Variants in CDH18 observed in about 807,000 individuals in gnomAD.
CDH18 encodes the protein cadherin 18.
Under a neutral mutation model 67.9 loss-of-function variants are expected in CDH18, and 31 were observed. The observed-to-expected ratio is 0.46, with a 90% CI of 0.34 to 0.62. CDH18 has a LOEUF of 0.62. CDH18 is among the 20% of genes least tolerant of loss of function. The probability of loss-of-function intolerance (pLI) is 0.01; values close to 1 mark genes in which losing one functional copy is unlikely to be tolerated. For synonymous variants in CDH18, 362 were observed against 347.2 expected, an observed-to-expected ratio of 1.04 and a Z score of -0.48; for missense variants, 890 against 975.5, an observed-to-expected ratio of 0.91 and a Z score of 1.17.
chr5:19,502,478 C>A (rs762218160), intron 11 of CDH18, among the ~76,000 whole-genome samples: 4 of 152,018 alleles, frequency 2.6e-5, no homozygotes, highest in Non-Finnish European at 5.9e-5. Flanking sequence ...GAAAATGATT[C>A]AAAAATTTCC....
intron 9 of CDH18, among the ~76,000 whole-genome samples, chr5:19,532,737 G>T (rs1437761161): frequency 1.3e-5 from 2 of 152,194 alleles, no homozygotes; most frequent in African/African-American, 4.8e-5. Flanking sequence ...TCGAACTGCG[G>T]TGGAAGTGAG....
chr5:20,513,000 G>T lies in CDH18; in HGVS notation c.-580+62462C>A, dbSNP rs552533365. 4.6e-5 allele frequency among the ~76,000 whole-genome samples: 7 copies of T among 151,972 alleles called. No homozygotes were observed. The South Asian group carries it at 1.5e-3, about 32-fold the overall frequency. ...AGTGGTTTCTCCTTCAAAATTCACC[G>T]TAGCATGTGAGCCTCTCTGTTGGTT... is the stretch of plus-strand genomic sequence containing the variant. On this transcript the variant is annotated intron_variant, in intron 1 of 14. Coordinates refer to the CDH18 transcript ENST00000507958.
At chr5:19,629,568 T>C (rs1580589628) in intron 5 of CDH18, among the ~76,000 whole-genome samples, 2 of 152,312 alleles carry the variant, frequency 1.3e-5, no homozygotes, top group African/African-American at 2.4e-5. Flanking sequence ...GCAAGAGTTA[T>C]CTTTTTAAAG....
At chr5:19,809,397 G>A (rs1347832536) in intron 3 of CDH18, among the ~76,000 whole-genome samples, 2 of 152,160 alleles carry the variant, frequency 1.3e-5, no homozygotes, top group African/African-American at 4.8e-5. Context: ...GAATGGAGCT[G>A]TCTGAAGAAA....
chr5:20,472,394 G>A (rs539585250), intron 1 of CDH18, among the ~76,000 whole-genome samples: 1 of 152,170 alleles, frequency 6.6e-6, no homozygotes, highest in Admixed American at 6.5e-5. Flanking sequence ...GTTAATTATG[G>A]ACTTTGGGAC....
Position 19,629,664 on chromosome 5 carries a change from TTGTC to T in CDH18, c.644-17067_644-17064del, listed in dbSNP as rs1455754359. On this transcript the variant is annotated intron_variant, in intron 5 of 12. Coordinates refer to ENST00000382275, the MANE Select transcript of CDH18 (RefSeq NM_004934.5). ...GGATATTTCGACTGCATATATTACT[TTGTC>T]TGTTTATATAAATATGTCTATTGGT... Among the ~76,000 whole-genome samples the T allele has an allele frequency of 6.6e-4, 101 of 152,198 alleles. 1 individual carries two copies. Among genetic ancestry groups the T allele is most frequent in the South Asian group, 4.1e-4 (2 of 4,834 alleles).
intron 2 of CDH18, among the ~76,000 whole-genome samples, chr5:19,937,961 C>CTATATATA (rs369843082): frequency 0.027 from 3,846 of 144,384 alleles, 156 homozygotes; most frequent in African/African-American, 0.091. Flanking sequence ...AATATATTTG[C>CTATATATA]TATATATATA....
rs1194212508 is a variant in CDH18, at chr5:19,850,289, G to A, written c.-256-11047C>T. 2.6e-5 allele frequency among the ~76,000 whole-genome samples: 4 copies of A among 151,894 alleles called. No homozygotes were observed. In the South Asian group the frequency reaches 6.2e-4, roughly 24 times the overall value. On this transcript the variant is annotated intron_variant, in intron 2 of 12. Coordinates refer to ENST00000382275, the MANE Select transcript of CDH18 (RefSeq NM_004934.5). Reference sequence around the variant, plus strand: ...GCACTTTTTGTCCCATTCGTAAAATGTAAAGATAAAAATGAGGCACGAAAT... The same window carrying A: ...GCACTTTTTGTCCCATTCGTAAAATATAAAGATAAAAATGAGGCACGAAAT...
chr5:19,972,455 G>A (rs1579887888), intron 2 of CDH18, among the ~76,000 whole-genome samples: 1 of 151,836 alleles, frequency 6.6e-6, no homozygotes, highest in South Asian at 2.1e-4. Context: ...AAATGAAGGC[G>A]GTGCATTATC....
intron 2 of CDH18, among the ~76,000 whole-genome samples, chr5:20,211,663 G>T (rs1322451192): frequency 2.0e-5 from 3 of 152,148 alleles, no homozygotes; most frequent in Admixed American, 2.0e-4. Flanking sequence ...AACTCCAACA[G>T]ACCTGCAGCT....
intron 2 of CDH18, among the ~76,000 whole-genome samples, chr5:19,967,837 C>A (rs1797608095): frequency 6.6e-6 from 1 of 152,004 alleles, no homozygotes; most frequent in South Asian, 2.1e-4. Context: ...GAAGTTCTGG[C>A]CAGGGCAATT....
intron 2 of CDH18, among the ~76,000 whole-genome samples, chr5:19,970,301 T>C (rs773567204): frequency 6.6e-6 from 1 of 151,596 alleles, no homozygotes; most frequent in Non-Finnish European, 1.5e-5. Context: ...TCCCTAAAAA[T>C]TACTGATACT....
At chr5:20,018,714 T>A (rs1738113547) in intron 2 of CDH18, among the ~76,000 whole-genome samples, 1 of 152,164 alleles carries the variant, frequency 6.6e-6, no homozygotes, top group Admixed American at 6.5e-5. Flanking sequence ...TAAAAATGAA[T>A]AACTGGAACA....
intron 1 of CDH18, among the ~76,000 whole-genome samples, chr5:20,491,094 T>G (rs1753556929): frequency 6.6e-6 from 1 of 152,046 alleles, no homozygotes; most frequent in Admixed American, 6.6e-5. Flanking sequence ...CATTATATTT[T>G]TAGTTTTTAA....
At chr5:20,069,432 A>ATTTAT (rs1385380160) in intron 2 of CDH18, among the ~76,000 whole-genome samples, 4 of 79,666 alleles carry the variant, frequency 5.0e-5, no homozygotes, top group Admixed American at 1.2e-4. Flanking sequence ...TATTTATTTG[A>ATTTAT]GACGGAGTCT....
chr5:19,842,270 C>T (rs942253295), intron 2 of CDH18, among the ~76,000 whole-genome samples: 1 of 152,164 alleles, frequency 6.6e-6, no homozygotes, highest in South Asian at 2.1e-4. Flanking sequence ...TGTGTCCCCA[C>T]CTATCTCTCA....
chr5:20,325,568 C>T (rs781568685), intron 1 of CDH18, among the ~76,000 whole-genome samples: 1 of 152,048 alleles, frequency 6.6e-6, no homozygotes, highest in African/African-American at 2.4e-5. Context: ...TCTTAGGGAT[C>T]TTTTCACTAT....
chr5:19,955,691 T>C (rs571265090), intron 2 of CDH18, among the ~76,000 whole-genome samples: 6 of 152,066 alleles, frequency 3.9e-5, no homozygotes, highest in Non-Finnish European at 7.4e-5. Context: ...AATATGTAGA[T>C]AGATAGCAAA....
chr5:19,904,310 A>AG (rs1271755200), intron 2 of CDH18, among the ~76,000 whole-genome samples: 30 of 143,926 alleles, frequency 2.1e-4, no homozygotes, highest in African/African-American at 7.6e-4. Flanking sequence ...AGAAAAGAAA[A>AG]AACGAAAAGA....
Sources: allele counts gnomAD v4.1 joint callset (sites outside exome capture counted in the v4.1 genomes callset), GRCh38; gene constraint gnomAD v4.1.1; transcripts MANE v1.5; gene names NCBI Gene and HGNC (gene_info 2026-07-23, HGNC 2026-07-21).